The following PCBP3 variants were observed in gnomAD, a reference collection of about 807,000 sequenced individuals.
PCBP3 encodes poly(rC)-binding protein 3.
Under a neutral mutation model 52.7 loss-of-function variants are expected in PCBP3, and 25 were observed. That is an observed-to-expected ratio of 0.47 (90% CI 0.35 to 0.66). PCBP3 has a LOEUF of 0.66. Among genes scored for constraint, PCBP3 ranks in the 30% least tolerant of loss-of-function variants. The pLI, the probability that PCBP3 is intolerant of heterozygous loss-of-function variation, is 0.01. For missense variants in PCBP3, 391 were observed against 490.3 expected, an observed-to-expected ratio of 0.80 and a Z score of 1.91; for synonymous variants, 162 against 183.0, an observed-to-expected ratio of 0.89 and a Z score of 0.93.
intron 15 of PCBP3, among the ~76,000 whole-genome samples, 173 bp from the exon 16 acceptor site, chr21:45,935,080 C>T (rs761706295): frequency 6.6e-6 from 1 of 152,190 alleles, no homozygotes; most frequent in Non-Finnish European, 1.5e-5. Context: ...AATTGGGTGG[C>T]AGTTTGGGAC....
intron 4 of PCBP3, chr21:45,828,284 C>T (rs764673605): frequency 6.6e-6 from 1 of 152,232 alleles, no homozygotes; most frequent in Non-Finnish European, 1.5e-5. Flanking sequence ...GCAAAATAAA[C>T]CCTACCCAAG....
intron 10 of PCBP3, 145 bp downstream of exon 10, chr21:45,909,631 C>G (rs917932450): frequency 1.3e-6 from 1 of 743,614 alleles, no homozygotes; most frequent in Non-Finnish European, 2.2e-6. Context: ...GCTCAAAGTG[C>G]GAGACAGGAA....
chr21:45,883,276 G>T (rs1035824411), intron 5 of PCBP3, among the ~76,000 whole-genome samples: 2 of 152,174 alleles, frequency 1.3e-5, no homozygotes, highest in Non-Finnish European at 2.9e-5. Flanking sequence ...TTTCAATTCT[G>T]TTAAATTTGC....
At chr21:45,816,742 C>CTTT (rs35774407) in intron 4 of PCBP3, among the ~76,000 whole-genome samples, 3 of 142,588 alleles carry the variant, frequency 2.1e-5, no homozygotes, top group Admixed American at 7.1e-5. Context: ...TCTATGTTAA[C>CTTT]TTTTTTTTTT....
At chr21:45,715,234 T>TGG (rs2084132674) in intron 2 of PCBP3, among the ~76,000 whole-genome samples, 1 of 152,160 alleles carries the variant, frequency 6.6e-6, no homozygotes, top group African/African-American at 2.4e-5. Context: ...GGGGTATCAG[T>TGG]GGAGTATAGG....
At chr21:45,769,797 G>A (rs1476109342) in intron 4 of PCBP3, among the ~76,000 whole-genome samples, 1 of 152,246 alleles carries the variant, frequency 6.6e-6, no homozygotes, top group Admixed American at 6.5e-5. Context: ...AAAATGGGCC[G>A]CTCGTTTCAC....
At chr21:45,877,747 AGT>A (rs1198267218) in intron 5 of PCBP3, among the ~76,000 whole-genome samples, 1 of 152,222 alleles carries the variant, frequency 6.6e-6, no homozygotes, top group African/African-American at 2.4e-5. Context: ...TGGAGGTTGC[AGT>A]GAGCTGCTGT....
chr21:45,675,410 T>C (rs1286591682), intron 2 of PCBP3, among the ~76,000 whole-genome samples: 1 of 152,186 alleles, frequency 6.6e-6, no homozygotes, highest in Non-Finnish European at 1.5e-5. Context: ...ATGCTCTTAT[T>C]TGTGGTCTAC....
chr21:45,800,165 G>A lies in PCBP3; in HGVS notation c.-126+44713G>A, dbSNP rs1489974491. Among the ~76,000 whole-genome samples, 1 of 152,116 alleles carries A rather than the reference G, an allele frequency of 6.6e-6. No individual in the cohort carries two copies. The highest frequency in any genetic ancestry group is 2.4e-5 in the African/African-American group (1 of 41,424). The stretch of plus-strand genomic sequence containing the variant: ...GAGCACAGAGTAATGGCTGCAGGTG[G>A]GGCCTTCCAGAGGCACAGGCTGAGG... On this transcript the variant is annotated intron_variant, in intron 4 of 17. Transcript: ENST00000681687. This position sits in a 1 kb window ranked among gnomAD's most constrained non-coding sequence, Gnocchi z 5.3.
At position 45,737,243 on chromosome 21, in the gene PCBP3, G is replaced by GC. The variant is rs1426040875; in HGVS notation, c.-162+1815dup. Among the ~76,000 whole-genome samples the GC allele has an allele frequency of 2.0e-5, 3 of 152,170 alleles. No individual in the cohort carries two copies. Among genetic ancestry groups the GC allele is most frequent in the African/African-American group, 4.8e-5 (2 of 41,428 alleles). On this transcript the variant is annotated intron_variant, in intron 3 of 17. Transcript: ENST00000681687. The surrounding 1 kb of genome is among the most constrained non-coding windows in gnomAD (Gnocchi z 4.9). ...AGCCCACAGCAGGGTGGGTGTGGGA[G>GC]CAGGGAGCCAGCCAGTCTCTTCTCT...
chr21:45,792,416 G>A (rs542508215), intron 4 of PCBP3, among the ~76,000 whole-genome samples: 7 of 152,330 alleles, frequency 4.6e-5, no homozygotes, highest in African/African-American at 1.7e-4. Context: ...TCTGGGATAA[G>A]AGGTTAGCTT....
At chr21:45,714,173 C>G (rs1014456422) in intron 2 of PCBP3, among the ~76,000 whole-genome samples, 3 of 152,196 alleles carry the variant, frequency 2.0e-5, no homozygotes, top group Non-Finnish European at 4.4e-5. Context: ...TCTCTTCTCT[C>G]GACTTTAAAT....
At chr21:45,878,542 G>A (rs2095324293) in intron 5 of PCBP3, among the ~76,000 whole-genome samples, 1 of 152,240 alleles carries the variant, frequency 6.6e-6, no homozygotes, top group Non-Finnish European at 1.5e-5. Context: ...CAAGGGGACT[G>A]CAGGGTTGAT....
chr21:45,926,270 C>A (rs1056711331), intron 13 of PCBP3, among the ~76,000 whole-genome samples: 3 of 152,196 alleles, frequency 2.0e-5, no homozygotes, highest in African/African-American at 7.2e-5. Context: ...GGTGCAAACC[C>A]ACTGCACTGC....
intron 2 of PCBP3, among the ~76,000 whole-genome samples, chr21:45,713,571 A>G (rs1262239843): frequency 2.6e-5 from 4 of 152,218 alleles, no homozygotes; most frequent in Non-Finnish European, 5.9e-5. Flanking sequence ...TACTTTGCAC[A>G]TGGTTATGCA....
chr21:45,704,897 G>T lies in PCBP3; in HGVS notation c.-199-30495G>T, dbSNP rs1474284586. ...TGAATACATGATGGCAGTTGATTCTGGAGATAACCAAATACCAGCTTCCCT... is the reference window on the plus strand; with the variant it reads ...TGAATACATGATGGCAGTTGATTCTTGAGATAACCAAATACCAGCTTCCCT... On this transcript the variant is annotated intron_variant, in intron 2 of 17. Transcript: ENST00000681687. The surrounding 1 kb of genome is among the most constrained non-coding windows in gnomAD (Gnocchi z 4.1). 2.6e-5 allele frequency among the ~76,000 whole-genome samples: 4 copies of T among 152,188 alleles called. No homozygotes were observed. Among genetic ancestry groups the T allele is most frequent in the Non-Finnish European group, 5.9e-5 (4 of 68,040 alleles).
rs138062522 is a variant in PCBP3 at position 45,704,854 on chromosome 21, C to T, written c.-199-30538C>T. On this transcript the variant is annotated intron_variant, in intron 2 of 17. Coordinates refer to ENST00000681687, the MANE Select transcript of PCBP3 (RefSeq NM_001384156.1). The surrounding 1 kb of genome is among the most constrained non-coding windows in gnomAD (Gnocchi z 4.1). ...TGTGATACAGTGCAGGTAGACGACA[C>T]AGGGCGCTGCTGTCTGCTGAATACA... Among the ~76,000 whole-genome samples, 8 of 152,282 alleles carry T rather than the reference C, an allele frequency of 5.3e-5. No individual in the cohort carries two copies. Among genetic ancestry groups the T allele is most frequent in the Non-Finnish European group, 1.2e-4 (8 of 68,020 alleles).
chr21:45,843,792 T>A (rs1271866669), intron 4 of PCBP3, among the ~76,000 whole-genome samples: 2 of 152,204 alleles, frequency 1.3e-5, no homozygotes, highest in African/African-American at 4.8e-5. Flanking sequence ...CGTTATCAAT[T>A]TTTGTTTTGT....
intron 2 of PCBP3, among the ~76,000 whole-genome samples, chr21:45,685,191 G>A (rs2082080595): frequency 6.6e-6 from 1 of 152,194 alleles, no homozygotes; most frequent in Non-Finnish European, 1.5e-5. Flanking sequence ...ACCAAGAGTA[G>A]TCAAATTCAG....
Sources: allele counts gnomAD v4.1 joint callset (sites outside exome capture counted in the v4.1 genomes callset), GRCh38; gene constraint gnomAD v4.1.1; non-coding constraint Gnocchi (gnomAD v3.1); transcripts MANE v1.5; gene names NCBI Gene and HGNC (gene_info 2026-07-23, HGNC 2026-07-21).